SLC39A11: variants seen among roughly 807,000 people sequenced by gnomAD.
SLC39A11 encodes the protein solute carrier family 39 member 11, also known as zinc transporter ZIP11.
SLC39A11 carries 33 observed loss-of-function variants against 36.1 expected under a neutral mutation model. The ratio of observed to expected loss-of-function variants is 0.91; its 90% CI spans 0.69 to 1.22. The LOEUF (loss-of-function observed/expected upper bound fraction) is 1.22. Ranked by LOEUF, SLC39A11 falls within the 50% of genes most tolerant of loss-of-function variation. The pLI is 0.00. For missense variants in SLC39A11, 432 were observed against 430.3 expected, an observed-to-expected ratio of 1.00 and a Z score of -0.03; for synonymous variants, 166 against 170.3, an observed-to-expected ratio of 0.97 and a Z score of 0.20.
chr17:72,705,340 T>A (rs111921702), intron 7 of SLC39A11, among the ~76,000 whole-genome samples: 1 of 152,332 alleles, frequency 6.6e-6, no homozygotes, highest in Non-Finnish European at 1.5e-5. Context: ...TTGTAGAACA[T>A]GAGGAATGTG....
chr17:72,980,062 C>G (rs749918052), intron 4 of SLC39A11, among the ~76,000 whole-genome samples: 24 of 152,176 alleles, frequency 1.6e-4, no homozygotes, highest in Non-Finnish European at 7.3e-5. Context: ...CCATGACATC[C>G]TATTTGCATC....
Position 72,905,711 on chromosome 17 carries a change from C to A in SLC39A11, c.430+42041G>T, listed in dbSNP as rs553736819. Among the ~76,000 whole-genome samples the A allele has an allele frequency of 5.9e-5, 9 of 152,230 alleles. No individual in the cohort carries two copies. In the East Asian group the frequency reaches 1.7e-3, roughly 30 times the overall value. ...GGCTCTACCCAACATCTACTGTCAA[C>A]CCTGACCCCTGCAACTGCCACTCCT... On this transcript the variant is annotated intron_variant, in intron 5 of 9. Transcript: ENST00000255559.
chr17:72,883,506 A>G (rs1470315552), intron 5 of SLC39A11, among the ~76,000 whole-genome samples: 2 of 152,202 alleles, frequency 1.3e-5, no homozygotes, highest in Non-Finnish European at 2.9e-5. Context: ...TCAAGGTTTC[A>G]TGGTGGCAGA....
intron 4 of SLC39A11, among the ~76,000 whole-genome samples, chr17:72,949,573 G>A (rs912811115): frequency 4.6e-5 from 7 of 151,970 alleles, no homozygotes; most frequent in African/African-American, 1.7e-4. Context: ...CGACGGCACA[G>A]GCTAGCTATG....
At chr17:72,902,924 T>A (rs1187750537) in intron 5 of SLC39A11, among the ~76,000 whole-genome samples, 2 of 150,350 alleles carry the variant, frequency 1.3e-5, no homozygotes, top group Non-Finnish European at 2.9e-5. Context: ...TTTGTTCTTC[T>A]TAGTCAAAGA....
At chr17:72,966,513 G>A (rs527676391) in intron 4 of SLC39A11, among the ~76,000 whole-genome samples, 5 of 152,274 alleles carry the variant, frequency 3.3e-5, no homozygotes, top group African/African-American at 1.2e-4. Context: ...CCGCACATCA[G>A]GAGGTGAGCA....
At chr17:72,977,532 GA>G (rs1277423615) in intron 4 of SLC39A11, among the ~76,000 whole-genome samples, 2 of 152,138 alleles carry the variant, frequency 1.3e-5, no homozygotes, top group African/African-American at 2.4e-5. Context: ...ACCTGTCTTG[GA>G]TATCAGAGGC....
rs112146798 is a variant in SLC39A11, at chr17:72,939,041, T to C, written c.430+8711A>G. On this transcript the variant is annotated intron_variant, in intron 5 of 9. Coordinates refer to ENST00000255559, the MANE Select transcript of SLC39A11 (RefSeq NM_139177.4). The stretch of plus-strand genomic sequence containing the variant: ...CTTCCTCCTTTGTATAAGACAAACA[T>C]GGCGCCTCAGACGAACCAAGCTCCT... Among the ~76,000 whole-genome samples the C allele has an allele frequency of 9.9e-3, 1,501 of 152,296 alleles. 23 individuals are homozygous for C. Among genetic ancestry groups the C allele is most frequent in the African/African-American group, 0.034 (1,414 of 41,562 alleles).
chr17:72,994,009 T>A (rs909804755), intron 4 of SLC39A11, among the ~76,000 whole-genome samples: 1 of 152,156 alleles, frequency 6.6e-6, no homozygotes. Flanking sequence ...CTATTCTTGG[T>A]CCTGTATTTT....
At chr17:73,035,107 A>G (rs1435661612) in intron 3 of SLC39A11, among the ~76,000 whole-genome samples, 3 of 152,136 alleles carry the variant, frequency 2.0e-5, no homozygotes, top group Non-Finnish European at 2.9e-5. Context: ...AAAATGAAAA[A>G]AGCACCCAAA....
chr17:73,062,744 G>C (rs1227914383), intron 3 of SLC39A11, among the ~76,000 whole-genome samples: 10 of 152,162 alleles, frequency 6.6e-5, no homozygotes, highest in Non-Finnish European at 1.5e-5. Context: ...TCCACGGATT[G>C]GGGGTGGGGG....
intron 7 of SLC39A11, among the ~76,000 whole-genome samples, chr17:72,693,734 C>G (rs2072149005): frequency 2.0e-5 from 3 of 152,206 alleles, no homozygotes; most frequent in African/African-American, 7.2e-5. Flanking sequence ...GCAATCTCGG[C>G]TCACTCCAAC....
At chr17:73,034,075 G>C (rs545788971) in intron 3 of SLC39A11, among the ~76,000 whole-genome samples, 56 of 152,280 alleles carry the variant, frequency 3.7e-4, no homozygotes, top group Admixed American at 1.6e-3. Context: ...GGAAATGTGA[G>C]GGCTCCCCCT....
At chr17:72,722,515 G>A (rs1457057849) in intron 7 of SLC39A11, among the ~76,000 whole-genome samples, 1 of 152,084 alleles carries the variant, frequency 6.6e-6, no homozygotes, top group Non-Finnish European at 1.5e-5. Flanking sequence ...GGGGTGGGGT[G>A]GGGGAGGGAA....
At chr17:72,961,655 G>A (rs1457461910) in intron 4 of SLC39A11, among the ~76,000 whole-genome samples, 4 of 151,758 alleles carry the variant, frequency 2.6e-5, no homozygotes, top group Admixed American at 6.6e-5. Flanking sequence ...ACCAAACACC[G>A]CATGTTCTCA....
At chr17:72,684,180 G>C (rs190602521) in intron 7 of SLC39A11, among the ~76,000 whole-genome samples, 5 of 152,258 alleles carry the variant, frequency 3.3e-5, no homozygotes, top group Admixed American at 6.5e-5. Flanking sequence ...CAGCTCATGA[G>C]TCAAGAGACT....
At chr17:72,987,954 A>C (rs1417563739) in intron 4 of SLC39A11, among the ~76,000 whole-genome samples, 1 of 152,210 alleles carries the variant, frequency 6.6e-6, no homozygotes, top group East Asian at 1.9e-4. Flanking sequence ...GAGCATCTAT[A>C]AACCAGAAAA....
intron 7 of SLC39A11, among the ~76,000 whole-genome samples, chr17:72,662,480 GAAAA>G (rs1205913378): frequency 1.7e-5 from 2 of 120,580 alleles, no homozygotes; most frequent in Non-Finnish European, 3.5e-5. Flanking sequence ...GGAAGGAAAA[GAAAA>G]GAAAGAAAAG....
intron 3 of SLC39A11, among the ~76,000 whole-genome samples, chr17:73,060,936 G>A (rs952909936): frequency 2.0e-5 from 3 of 152,124 alleles, no homozygotes; most frequent in Admixed American, 6.6e-5. Flanking sequence ...ACTCACAGAC[G>A]GTTGTTTGCT....
Sources: allele counts gnomAD v4.1 joint callset (sites outside exome capture counted in the v4.1 genomes callset), GRCh38; gene constraint gnomAD v4.1.1; transcripts MANE v1.5; gene names NCBI Gene and HGNC (gene_info 2026-07-23, HGNC 2026-07-21).